CPM: variants seen among roughly 807,000 people sequenced by gnomAD.
The protein encoded by CPM is carboxypeptidase M.
In CPM, 35 loss-of-function variants were observed where a neutral mutation model predicts 46.4. The ratio of observed to expected loss-of-function variants is 0.75; its 90% CI spans 0.58 to 1.00. CPM has a LOEUF of 1.00. Among genes scored for constraint, CPM ranks in the 50% least tolerant of loss-of-function variants. The pLI, the probability that CPM is intolerant of heterozygous loss-of-function variation, is 0.00. For missense variants in CPM, 422 were observed against 530.4 expected, an observed-to-expected ratio of 0.80 and a Z score of 2.01; for synonymous variants, 195 against 195.3, an observed-to-expected ratio of 1.00 and a Z score of 0.01.
intron 5 of CPM, chr12:68,844,315 C>T (rs1592610013): frequency 4.5e-6 from 1 of 222,718 alleles, no homozygotes; most frequent in East Asian, 6.6e-5. Context: ...CATGCCTGCC[C>T]ACTTTAGAAA....
At chr12:68,895,514 A>G (rs1256558684) in intron 2 of CPM, among the ~76,000 whole-genome samples, 1 of 152,194 alleles carries the variant, frequency 6.6e-6, no homozygotes, top group Non-Finnish European at 1.5e-5. Flanking sequence ...TTTCTGCAGT[A>G]CAGTCCAGCC....
intron 3 of CPM, among the ~76,000 whole-genome samples, chr12:68,874,764 G>A (rs961253035): frequency 3.3e-5 from 5 of 152,150 alleles, no homozygotes; most frequent in Non-Finnish European, 7.4e-5. Context: ...GCCATAGTAT[G>A]GTTCAATCGG....
intron 1 of CPM, among the ~76,000 whole-genome samples, chr12:68,959,720 C>T (rs1332752111): frequency 6.6e-6 from 1 of 152,208 alleles, no homozygotes; most frequent in African/African-American, 2.4e-5. Flanking sequence ...ATGCTAGCAT[C>T]GTGTTAGTTG....
chr12:68,910,059 G>T (rs939971133), intron 2 of CPM, among the ~76,000 whole-genome samples: 8 of 152,084 alleles, frequency 5.3e-5, no homozygotes, highest in African/African-American at 1.9e-4. Flanking sequence ...ATGAAAGAAA[G>T]AAACTTGAGG....
At chr12:68,898,244 G>A (rs1319313370) in intron 2 of CPM, among the ~76,000 whole-genome samples, 1 of 152,086 alleles carries the variant, frequency 6.6e-6, no homozygotes, top group Non-Finnish European at 1.5e-5. Flanking sequence ...CCCCAGAAAA[G>A]ACAGTTTGTT....
At chr12:68,858,847 T>G in intron 8 of CPM, 76 bp downstream of exon 8, 1 of 955,372 alleles carries the variant, frequency 1.0e-6, no homozygotes, top group Non-Finnish European at 1.4e-6. Context: ...TAGACTTATT[T>G]TGGATTCCTT....
intron 2 of CPM, among the ~76,000 whole-genome samples, chr12:68,899,705 T>C (rs1394447941): frequency 1.3e-5 from 2 of 152,228 alleles, no homozygotes; most frequent in Non-Finnish European, 2.9e-5. Flanking sequence ...TGTGAGACTG[T>C]AGACGATGGG....
chr12:68,864,278 C>G (rs1236911105), intron 7 of CPM, among the ~76,000 whole-genome samples: 1 of 152,108 alleles, frequency 6.6e-6, no homozygotes, highest in Non-Finnish European at 1.5e-5. Context: ...AACCCTGTCT[C>G]TACAAAAATA....
At chr12:68,932,619 A>T (rs1888555803) in intron 2 of CPM, 59 bp downstream of exon 2, 2 of 1,593,556 alleles carry the variant, frequency 1.3e-6, no homozygotes, top group South Asian at 2.2e-5. Flanking sequence ...GGGCATATTT[A>T]ATGAATACTG....
At chr12:68,899,550 G>A (rs1474992552) in intron 2 of CPM, among the ~76,000 whole-genome samples, 2 of 152,222 alleles carry the variant, frequency 1.3e-5, no homozygotes, top group Non-Finnish European at 2.9e-5. Flanking sequence ...GTGCTGTCAT[G>A]GAGAGACTCC....
At chr12:68,865,767 C>T (rs1326132651) in intron 7 of CPM, among the ~76,000 whole-genome samples, 3 of 152,200 alleles carry the variant, frequency 2.0e-5, no homozygotes, top group African/African-American at 7.2e-5. Context: ...GCCTTCCACA[C>T]CTTGCCCAAA....
intron 2 of CPM, among the ~76,000 whole-genome samples, chr12:68,913,587 C>T (rs1370711405): frequency 2.0e-5 from 3 of 152,148 alleles, no homozygotes; most frequent in Non-Finnish European, 4.4e-5. Context: ...ATCACGTGTA[C>T]ATCAACTAGA....
intron 5 of CPM, chr12:68,845,946 C>T (rs1884262504): frequency 6.7e-6 from 1 of 148,348 alleles, no homozygotes; most frequent in East Asian, 2.1e-4. Flanking sequence ...CCCCCCACCT[C>T]CCCCGACCCC....
At chr12:68,906,638 C>T (rs1264616727) in intron 2 of CPM, among the ~76,000 whole-genome samples, 9 of 151,920 alleles carry the variant, frequency 5.9e-5, no homozygotes, top group East Asian at 1.9e-4. Flanking sequence ...TACAGGTATC[C>T]GCCATCACAC....
At chr12:68,847,196 TTATATA>T (rs59862219), downstream of CPM, 20 of 92,080 alleles carry the variant, frequency 2.2e-4, 1 homozygote, top group Admixed American at 1.5e-3. Context: ...TGTGTGTACA[TTATATA>T]TATATATATA....
chr12:68,850,523 A>C (rs1003052220), downstream of CPM: 2 of 152,210 alleles, frequency 1.3e-5, no homozygotes, highest in African/African-American at 4.8e-5. Context: ...CAAAGAGCAG[A>C]TGTAAGCTTG....
At chr12:68,849,043 A>C (rs1398778360), downstream of CPM, 2 of 149,978 alleles carry the variant, frequency 1.3e-5, no homozygotes, top group African/African-American at 4.9e-5. Flanking sequence ...ACAAGGTGGG[A>C]GGTGGAAGTA....
intron 6 of CPM, among the ~76,000 whole-genome samples, chr12:68,867,300 T>A (rs140844122): frequency 0.014 from 2,162 of 152,314 alleles, 36 homozygotes; most frequent in South Asian, 0.034. Flanking sequence ...AAGTGACGGG[T>A]GAAGGAAGGG....
intron 2 of CPM, among the ~76,000 whole-genome samples, chr12:68,906,542 T>G (rs1373593318): frequency 6.6e-6 from 1 of 151,748 alleles, no homozygotes; most frequent in Non-Finnish European, 1.5e-5. Context: ...CAGGCTGGAG[T>G]GTAGTGGCAC....
Sources: gnomAD v4.1 joint callset for allele counts (sites outside exome capture counted in the v4.1 genomes callset) on GRCh38, gnomAD v4.1.1 for gene constraint, MANE v1.5 for transcripts, NCBI Gene and HGNC (gene_info 2026-07-23, HGNC 2026-07-21) for gene names.